Variants in PTCD3 observed in about 807,000 individuals in gnomAD.
The protein encoded by PTCD3 is pentatricopeptide repeat domain 3.
PTCD3 carries 89 observed loss-of-function variants against 101.9 expected under a neutral mutation model. The ratio of observed to expected loss-of-function variants is 0.87; its 90% confidence interval spans 0.74 to 1.04. The LOEUF (loss-of-function observed/expected upper bound fraction) is 1.04. Ranked by LOEUF, PTCD3 falls within the 50% of genes least tolerant of loss-of-function variation. The probability of loss-of-function intolerance (pLI) is 0.00; values close to 1 mark genes in which losing one functional copy is unlikely to be tolerated. For missense variants in PTCD3, 870 were observed against 828.2 expected (o/e 1.05, Z -0.62); for synonymous variants, 296 against 278.5 (o/e 1.06, Z -0.63).
Position 86,132,359 on chromosome 2 carries a change from T to G in PTCD3, c.1308T>G (p.His436Gln). 1 of 1,609,682 alleles carries G rather than the reference T, an allele frequency of 6.2e-7. No individual in the cohort carries two copies. Among genetic ancestry groups the G allele is most frequent in the Non-Finnish European group, 8.5e-7 (1 of 1,176,164 alleles). Residue 436 changes from histidine to glutamine, a missense_variant, in exon 17 of 24, where the codon CAT becomes CAG. Physicochemically the swap from His to Gln is conservative, Grantham distance 24 (BLOSUM62 0). Coordinates refer to ENST00000254630, the MANE Select transcript of PTCD3 (RefSeq NM_017952.6). ...ATCTAGAACTTGCCTACCAAGTACA[T>G]GGCCTTTTAAAAACCGGAGACAACT... ...LRDLELAYQV[H>Q]GLLKTGDNWK...
intron 14 of PTCD3, 47 bp from the exon 15 acceptor site, chr2:86,130,601 G>C (rs1333389272): frequency 6.3e-7 from 1 of 1,586,510 alleles, no homozygotes; most frequent in South Asian, 1.2e-5. Flanking sequence ...TGAGTTTGGT[G>C]GTGGTAAAGG....
chr2:86,119,856 G>T (rs1036915418), intron 7 of PTCD3, among the ~76,000 whole-genome samples: 1 of 152,180 alleles, frequency 6.6e-6, no homozygotes, highest in East Asian at 1.9e-4. Context: ...CTGAATTGGA[G>T]CTGGATGTAA....
chr2:86,121,446 A>G (rs765720827), intron 7 of PTCD3, 33 bp from the exon 8 acceptor site: 2 of 1,358,410 alleles, frequency 1.5e-6, no homozygotes, highest in East Asian at 4.6e-5. Flanking sequence ...CATTGTTTCA[A>G]GGTTTCTTTA....
intron 12 of PTCD3, among the ~76,000 whole-genome samples, chr2:86,126,229 C>CAAA (rs71377064): frequency 0.031 from 1,819 of 59,024 alleles, 43 homozygotes; most frequent in Non-Finnish European, 0.049. Flanking sequence ...GACTCCGTCT[C>CAAA]AAAAAAAAAA....
At position 86,128,056 on chromosome 2, in the gene PTCD3, GATTA is replaced by G. The variant is rs1366559603; in HGVS notation, c.1147+69_1147+72del. 6 of 1,287,266 alleles carry G rather than the reference GATTA, an allele frequency of 4.7e-6. No individual in the cohort carries two copies. The African/African-American group carries it at 7.3e-5, about 16-fold the overall frequency. 79.7% of individuals were successfully genotyped at this position (1,287,266 alleles called of 1,614,324 possible). On this transcript the variant is annotated intron_variant, in intron 14 of 23. Coordinates refer to ENST00000254630, the MANE Select transcript of PTCD3 (RefSeq NM_017952.6). ...TTGACCAGCTTTCTTGAGTTTATGTGATTAATTGTTGTAGTTATCTTCTCTGCAT... is the reference window on the plus strand; with the variant it reads ...TTGACCAGCTTTCTTGAGTTTATGTGATTGTTGTAGTTATCTTCTCTGCAT...
rs1177949475 is a variant in PTCD3, at chr2:86,140,804, CA to C, written c.*3246del. The C allele has an allele frequency of 6.6e-6, 1 of 151,284 alleles. No individual in the cohort carries two copies. The highest frequency in any genetic ancestry group is 1.9e-4 in the East Asian group (1 of 5,142). 9.4% of individuals were successfully genotyped at this position (151,284 alleles called of 1,614,324 possible). A position where few individuals can be genotyped will look rare whatever the true frequency, so the allele number is the denominator to read the frequency against. On this transcript the variant is annotated 3_prime_UTR_variant, in exon 24 of 24. Transcript: ENST00000254630. ...ATTAAAAAATGCTGTCCAGGCCAGGCACAGTGGCTCACACCTGTAATCCCAG... is the reference window on the plus strand; with the variant it reads ...ATTAAAAAATGCTGTCCAGGCCAGGCCAGTGGCTCACACCTGTAATCCCAG...
chr2:86,132,407 A>T lies in PTCD3; in HGVS notation c.1356A>T (p.Gln452His), dbSNP rs375762783. The T allele has an allele frequency of 1.3e-6, 2 of 1,593,814 alleles. No individual in the cohort carries two copies. The highest frequency in any genetic ancestry group is 4.5e-5 in the East Asian group (2 of 44,780). ...GDNWKFIGPD[Q>H]HRNFYYSKFF... The stretch of plus-strand genomic sequence containing the variant: ...ACTGGAAATTCATTGGACCTGATCA[A>T]CATCGTAATTTCTATTAGTAAGTGT... The change falls in exon 17 of 24, where the codon CAA becomes CAT. Residue 452 changes from glutamine (Q) to histidine (H), a missense_variant. Physicochemically the swap from Gln to His is conservative, Grantham distance 24. Coordinates refer to ENST00000254630, the MANE Select transcript of PTCD3 (RefSeq NM_017952.6).
In PTCD3 at chr2:86,140,699, A is replaced by G. The variant is rs1438608592; in HGVS notation, c.*3140A>G. ...TATTTGATTTGGGTGCTGTAAGGCAATTTGCTAGGACATGGGATAATCAGA... is the reference window on the plus strand; with the variant it reads ...TATTTGATTTGGGTGCTGTAAGGCAGTTTGCTAGGACATGGGATAATCAGA... On this transcript the variant is annotated 3_prime_UTR_variant, in exon 24 of 24. Transcript: ENST00000254630. 3 of 152,104 alleles carry G rather than the reference A, an allele frequency of 2.0e-5. No individual in the cohort carries two copies. Among genetic ancestry groups the G allele is most frequent in the Non-Finnish European group, 4.4e-5 (3 of 68,030 alleles). 9.4% of individuals were successfully genotyped at this position (152,104 alleles called of 1,614,324 possible). A position where few individuals can be genotyped will look rare whatever the true frequency, so the allele number is the denominator to read the frequency against.
intron 1 of PTCD3, chr2:86,107,048 TC>T: frequency 2.2e-6 from 1 of 456,604 alleles, no homozygotes; most frequent in South Asian, 1.6e-5. Context: ...GTAATAACCA[TC>T]CGAAAAGTTT....
In PTCD3 at chr2:86,133,244, C is replaced by G; in HGVS notation, c.1440C>G (p.Asp480Glu). 6.2e-7 allele frequency: 1 copy of G among 1,614,048 alleles called. No homozygotes were observed. The highest frequency in any genetic ancestry group is 8.5e-7 in the Non-Finnish European group (1 of 1,179,992). Residue 480 changes from aspartate (D) to glutamate (E), a missense_variant, in exon 18 of 24, where the codon GAC becomes GAG. Coordinates refer to ENST00000254630, the MANE Select transcript of PTCD3 (RefSeq NM_017952.6). ...ATGTTACCTTGAAGTGGTATGAGGA[C>G]CTGATACCTTCAGTAAGATGGTTCA... ...QIDVTLKWYE[D>E]LIPSAYFPHS...
chr2:86,114,140 A>C (rs541658243), intron 4 of PTCD3, among the ~76,000 whole-genome samples: 1 of 152,228 alleles, frequency 6.6e-6, no homozygotes, highest in East Asian at 1.9e-4. Context: ...ATTCAGCAAC[A>C]ATATTTTGTG....
chr2:86,140,596 G>A lies in PTCD3; in HGVS notation c.*3037G>A, dbSNP rs1021664874. The A allele has an allele frequency of 1.3e-5, 2 of 152,150 alleles. No individual in the cohort carries two copies. Among genetic ancestry groups the A allele is most frequent in the African/African-American group, 2.4e-5 (1 of 41,448 alleles). 9.4% of individuals were successfully genotyped at this position (152,150 alleles called of 1,614,324 possible). A position where few individuals can be genotyped will look rare whatever the true frequency, so the allele number is the denominator to read the frequency against. ...AGGAAATTGAGTCACTAGGAGCATG[G>A]ATGTATAAGGCAGGTTTTATACAAC... On this transcript the variant is annotated 3_prime_UTR_variant, in exon 24 of 24. Coordinates refer to ENST00000254630, the MANE Select transcript of PTCD3 (RefSeq NM_017952.6).
chr2:86,133,321 T>G, intron 18 of PTCD3, 25 bp from the exon 19 acceptor site: 1 of 1,614,000 alleles, frequency 6.2e-7, no homozygotes, highest in Non-Finnish European at 8.5e-7. Flanking sequence ...GATTAATGCT[T>G]TAAAAATGTG....
At position 86,135,053 on chromosome 2, in the gene PTCD3, C is replaced by T. The variant is rs1250583820; in HGVS notation, c.1778+66C>T. 6.0e-6 allele frequency: 9 copies of T among 1,499,562 alleles called. No individual in the cohort carries two copies. In the African/African-American group the frequency reaches 1.1e-4, roughly 19 times the overall value. 92.9% of individuals were successfully genotyped at this position (1,499,562 alleles called of 1,614,324 possible). ...TATTTGAATCTAAAACATTGGCCCA[C>T]GCTGGTAGAGGTTCTTTCATTTGGC... is the stretch of plus-strand genomic sequence containing the variant. On this transcript the variant is annotated intron_variant, in intron 21 of 23. Coordinates refer to ENST00000254630, the MANE Select transcript of PTCD3 (RefSeq NM_017952.6).
chr2:86,118,412 CAT>C (rs1450662413), intron 6 of PTCD3, among the ~76,000 whole-genome samples: 8 of 152,186 alleles, frequency 5.3e-5, no homozygotes, highest in Non-Finnish European at 4.4e-5. Flanking sequence ...CATATCCCTA[CAT>C]CTCTCTGCTT....
intron 3 of PTCD3, chr2:86,108,932 G>T: frequency 5.9e-6 from 1 of 168,880 alleles, no homozygotes; most frequent in Non-Finnish European, 1.3e-5. Flanking sequence ...GGTGTGGACA[G>T]CAAAATTTAG....
rs113632978 is a variant in PTCD3 at position 86,111,210 on chromosome 2, CTT to C, written c.240+56_240+57del. On this transcript the variant is annotated intron_variant, in intron 4 of 23. Coordinates refer to ENST00000254630, the MANE Select transcript of PTCD3 (RefSeq NM_017952.6). ...AACCTAAAACTTGGCTAATAACACA[CTT>C]TTTAACTCGGCTAATAACACATTTA... is the stretch of plus-strand genomic sequence containing the variant. 8 of 1,427,308 alleles carry C rather than the reference CTT, an allele frequency of 5.6e-6. No individual in the cohort carries two copies. The East Asian group carries it at 9.1e-5, about 16-fold the overall frequency. 88.4% of individuals were successfully genotyped at this position (1,427,308 alleles called of 1,614,324 possible).
chr2:86,108,551 A>T lies in PTCD3; in HGVS notation c.194+15A>T, dbSNP rs369537650. 105 of 1,588,892 alleles carry T rather than the reference A, an allele frequency of 6.6e-5. No individual in the cohort carries two copies. The highest frequency in any genetic ancestry group is 2.9e-5 in the Non-Finnish European group (34 of 1,170,858). On this transcript the variant is annotated intron_variant, in intron 3 of 23. Coordinates refer to ENST00000254630, the MANE Select transcript of PTCD3 (RefSeq NM_017952.6). ...AAGAAAACTTGGTAAGTATTCTATC[A>T]GTGTTCATTCAGCAAATGGTTGAGT...
chr2:86,113,170 G>A (rs1262632585), intron 4 of PTCD3, among the ~76,000 whole-genome samples: 1 of 152,214 alleles, frequency 6.6e-6, no homozygotes, highest in African/African-American at 2.4e-5. Context: ...TTAGGATAGA[G>A]TCTGGGACAA....
Sources: allele counts gnomAD v4.1 joint callset (sites outside exome capture counted in the v4.1 genomes callset), GRCh38; gene constraint gnomAD v4.1.1; transcripts MANE v1.5; gene names NCBI Gene and HGNC (gene_info 2026-07-23, HGNC 2026-07-21).